Variants in COL28A1 observed in about 807,000 individuals in gnomAD.
The protein encoded by COL28A1 is collagen type XXVIII alpha 1 chain.
A neutral mutation model predicts 150.2 loss-of-function variants in COL28A1; 161 were observed. That is an observed-to-expected ratio of 1.07 (90% CI 0.94 to 1.22). The LOEUF (loss-of-function observed/expected upper bound fraction) is 1.22, where lower values mean the gene tolerates loss of function less well. COL28A1 is among the 50% of genes most tolerant of loss of function. The probability of loss-of-function intolerance (pLI) is 0.00; values close to 1 mark genes in which losing one functional copy is unlikely to be tolerated. For missense variants in COL28A1, 1,617 were observed against 1,388.3 expected (o/e 1.16, Z -2.62); for synonymous variants, 552 against 469.7 (o/e 1.18, Z -2.26).
At chr7:7,382,196 G>A (rs1781910519) in intron 27 of COL28A1, among the ~76,000 whole-genome samples, 1 of 152,046 alleles carries the variant, frequency 6.6e-6, no homozygotes, top group Non-Finnish European at 1.5e-5. Context: ...TGTAGTCCCA[G>A]CTATGCAGGC....
intron 33 of COL28A1, among the ~76,000 whole-genome samples, chr7:7,368,019 C>T (rs1433075143): frequency 2.0e-5 from 3 of 151,992 alleles, no homozygotes; most frequent in African/African-American, 7.3e-5. Flanking sequence ...ATTCCCAGTG[C>T]CCCTGCCTTC....
the COL28A1 span, among the ~76,000 whole-genome samples, chr7:7,339,074 C>T: frequency 6.6e-6 from 1 of 152,212 alleles, no homozygotes; most frequent in African/African-American, 2.4e-5. Context: ...GTGAGCACAG[C>T]CAGGCTCAGA....
chr7:7,356,286 T>C (rs571346869), downstream of COL28A1: 1 of 152,224 alleles, frequency 6.6e-6, no homozygotes, highest in East Asian at 1.9e-4. Context: ...ACATGTAAAA[T>C]TACCTATAAA....
At chr7:7,366,182 C>T (rs867526384) in intron 33 of COL28A1, among the ~76,000 whole-genome samples, 1 of 152,242 alleles carries the variant, frequency 6.6e-6, no homozygotes, top group Admixed American at 6.5e-5. Context: ...AAAACTGAGA[C>T]CTCAGGAAAA....
In COL28A1 at chr7:7,492,989, TTATATAATATATATACA is replaced by T. The variant is rs1228681876; in HGVS notation, c.1027-2360_1027-2344del. Among the ~76,000 whole-genome samples, 9 of 148,122 alleles carry T rather than the reference TTATATAATATATATACA, an allele frequency of 6.1e-5. No individual in the cohort carries two copies. The East Asian group carries it at 1.8e-3, about 29-fold the overall frequency. ...ATATATGTAACATTATATATACCTG[TTATATAATATATATACA>T]TATATAACAGGTATATATAATGTTA... is the stretch of plus-strand genomic sequence containing the variant. On this transcript the variant is annotated intron_variant, in intron 11 of 34. Transcript: ENST00000399429.
chr7:7,511,011 T>G lies in COL28A1; in HGVS notation c.927+80A>C, dbSNP rs1249601191. ...ACTCTAGTAGTGAGATCACCATAATTCAGCCCAGGAATTTCCCCTTAAGGA... is the reference window on the plus strand; with the variant it reads ...ACTCTAGTAGTGAGATCACCATAATGCAGCCCAGGAATTTCCCCTTAAGGA... On this transcript the variant is annotated intron_variant, in intron 9 of 34. Transcript: ENST00000399429. The G allele has an allele frequency of 5.6e-5, 62 of 1,116,784 alleles. No individual in the cohort carries two copies. The East Asian group carries it at 1.4e-3, about 26-fold the overall frequency. 69.2% of individuals were successfully genotyped at this position (1,116,784 alleles called of 1,614,324 possible). A position where few individuals can be genotyped will look rare whatever the true frequency, so the allele number is the denominator to read the frequency against.
intron 5 of COL28A1, among the ~76,000 whole-genome samples, chr7:7,520,616 A>T (rs151011212): frequency 4.7e-4 from 72 of 152,310 alleles, no homozygotes; most frequent in South Asian, 2.5e-3. Context: ...CTGTTCCAGA[A>T]AAGCATTTTG....
intron 3 of COL28A1, among the ~76,000 whole-genome samples, chr7:7,530,572 A>G (rs1002426926): frequency 1.3e-5 from 2 of 152,222 alleles, no homozygotes; most frequent in South Asian, 2.1e-4. Flanking sequence ...CAATCAACCA[A>G]TTTATCTCTA....
intron 1 of COL28A1, among the ~76,000 whole-genome samples, chr7:7,533,912 G>C (rs1017229543): frequency 6.6e-6 from 1 of 152,130 alleles, no homozygotes; most frequent in Non-Finnish European, 1.5e-5. Flanking sequence ...ATTGACTTCA[G>C]GAGTTCTGGA....
chr7:7,370,429 AATCT>A (rs2066290533), intron 33 of COL28A1, among the ~76,000 whole-genome samples: 3 of 152,320 alleles, frequency 2.0e-5, no homozygotes, highest in African/African-American at 7.2e-5. Flanking sequence ...GTGTTGTGTT[AATCT>A]GTTTCAGCAT....
chr7:7,420,202 A>G (rs1408250700), intron 25 of COL28A1: 1 of 289,122 alleles, frequency 3.5e-6, no homozygotes, highest in African/African-American at 2.2e-5. Flanking sequence ...CTTCTCTAGA[A>G]TTTGGAAAAG....
downstream of COL28A1, among the ~76,000 whole-genome samples, chr7:7,357,357 T>G (rs543158986): frequency 6.6e-6 from 1 of 152,062 alleles, no homozygotes; most frequent in Non-Finnish European, 1.5e-5. Flanking sequence ...GCTGAGAAAG[T>G]GTTTTGTAAG....
chr7:7,394,782 T>G (rs1178961814), intron 27 of COL28A1, among the ~76,000 whole-genome samples: 1 of 152,248 alleles, frequency 6.6e-6, no homozygotes, highest in East Asian at 1.9e-4. Flanking sequence ...CCCTTCCTGT[T>G]TGAGTTCATG....
chr7:7,510,701 T>C (rs1213220066), intron 9 of COL28A1, among the ~76,000 whole-genome samples: 1 of 152,258 alleles, frequency 6.6e-6, no homozygotes. Flanking sequence ...TTTCACTGAC[T>C]GATTTCAGAG....
In COL28A1 at chr7:7,436,254, TA is replaced by T. The variant is rs202176373; in HGVS notation, c.1860+140del. 344 of 657,102 alleles carry T rather than the reference TA, an allele frequency of 5.2e-4. 2 individuals carry two copies. The African/African-American group carries it at 5.4e-3, about 10-fold the overall frequency. The allele number at this position is 657,102 out of a possible 1,614,324, so 40.7% of individuals were successfully genotyped here. A position where few individuals can be genotyped will look rare whatever the true frequency, so the allele number is the denominator to read the frequency against. On this transcript the variant is annotated intron_variant, in intron 23 of 34. Coordinates refer to ENST00000399429, the MANE Select transcript of COL28A1 (RefSeq NM_001037763.3). ...TAAACTATGTGATTGCTTGTTTTTT[TA>T]AAAAAAGGGAATAGCTATATTCTTA...
At chr7:7,494,476 G>A (rs1366126332) in intron 11 of COL28A1, among the ~76,000 whole-genome samples, 1 of 152,120 alleles carries the variant, frequency 6.6e-6, no homozygotes, top group East Asian at 1.9e-4. Flanking sequence ...TGCAAAATGA[G>A]GATAATTATA....
intron 15 of COL28A1, among the ~76,000 whole-genome samples, chr7:7,462,945 C>T (rs1450249943): frequency 1.3e-5 from 2 of 151,500 alleles, no homozygotes; most frequent in Admixed American, 1.3e-4. Context: ...AAAGGAAGAC[C>T]TTCAGAGCTC....
chr7:7,399,057 T>C (rs992746547), intron 27 of COL28A1, among the ~76,000 whole-genome samples: 1 of 152,198 alleles, frequency 6.6e-6, no homozygotes, highest in East Asian at 1.9e-4. Flanking sequence ...GTCTCTTAGA[T>C]CCAGGTGTAA....
In COL28A1 at chr7:7,360,471, C is replaced by G; in HGVS notation, c.3124G>C (p.Asp1042His). The change falls in exon 34 of 35, where the codon GAT becomes CAT. Residue 1042 changes from aspartate (D) to histidine (H), a missense_variant. Transcript: ENST00000399429. Reference sequence around the variant, plus strand: ...GATGAGGTAGTGGCAGGCAGATCATCAGCCCACGTTGGCTCTGGAGCCTTA... The same window carrying G: ...GATGAGGTAGTGGCAGGCAGATCATGAGCCCACGTTGGCTCTGGAGCCTTA... ...DDKAPEPTWA[D>H]DLPATTSSEA... 1 of 1,609,874 alleles carries G rather than the reference C, an allele frequency of 6.2e-7. No homozygotes were observed. The highest frequency in any genetic ancestry group is 8.5e-7 in the Non-Finnish European group (1 of 1,178,714).
Sources: gnomAD v4.1 joint callset for allele counts (sites outside exome capture counted in the v4.1 genomes callset) on GRCh38, gnomAD v4.1.1 for gene constraint, MANE v1.5 for transcripts, NCBI Gene and HGNC (gene_info 2026-07-23, HGNC 2026-07-21) for gene names.